The following RECQL5 variants were observed in gnomAD, a reference collection of about 807,000 sequenced individuals.
The protein encoded by RECQL5 is RecQ like helicase 5.
In RECQL5, 88 loss-of-function variants were observed where a neutral mutation model predicts 103.4. That is an observed-to-expected ratio of 0.85 (90% CI 0.72 to 1.02). The LOEUF is 1.02. Among genes scored for constraint, RECQL5 ranks in the 50% least tolerant of loss-of-function variants. The pLI, the probability that RECQL5 is intolerant of heterozygous loss-of-function variation, is 0.00. For synonymous variants in RECQL5, 552 were observed against 507.9 expected (o/e 1.09, Z -1.17); for missense variants, 1,232 against 1,284.3 (o/e 0.96, Z 0.62).
rs374835241 is a variant in RECQL5 at position 75,631,439 on chromosome 17, C to T, written c.1448+11G>A. On this transcript the variant is annotated intron_variant, in intron 9 of 19. Transcript: ENST00000317905. ...CCAGCGGGTTGGAGCCCTGGCTTCT[C>T]GGCCCCTTACCTGCTGAAGTCCCCG... The T allele has an allele frequency of 6.2e-5, 100 of 1,603,260 alleles. 2 individuals are homozygous for T. The South Asian group carries it at 9.0e-4, about 14-fold the overall frequency.
chr17:75,629,850 G>C lies in RECQL5; in HGVS notation c.1813-8C>G. 1.3e-6 allele frequency: 2 copies of C among 1,587,828 alleles called. No individual in the cohort carries two copies. Among genetic ancestry groups the C allele is most frequent in the Middle Eastern group, 1.9e-4 (1 of 5,278 alleles). ...TCTGTGGATATCGGCCACCTGGGCA[G>C]GGATAGGCAGGGAGGCTGTGGCACC... On this transcript the variant is annotated splice_region_variant and splice_polypyrimidine_tract_variant and intron_variant, in intron 14 of 19. Coordinates refer to ENST00000317905, the MANE Select transcript of RECQL5 (RefSeq NM_004259.7).
chr17:75,628,932 A>C lies in RECQL5; in HGVS notation c.2489+2T>G. The C allele has an allele frequency of 6.3e-7, 1 of 1,575,408 alleles. No homozygotes were observed. The highest frequency in any genetic ancestry group is 2.2e-5 in the East Asian group (1 of 44,530). Reference sequence around the variant, plus strand: ...AGATTCTATGACTACCTGTACCCTTACCTTGGCCTCTCCCTGAGGCACTCC... The same window carrying C: ...AGATTCTATGACTACCTGTACCCTTCCCTTGGCCTCTCCCTGAGGCACTCC... On this transcript the variant is annotated splice_donor_variant, in intron 16 of 19. Transcript: ENST00000317905. LOFTEE classifies it high-confidence loss of function.
intron 7 of RECQL5, among the ~76,000 whole-genome samples, chr17:75,658,061 A>T (rs1568281993): frequency 6.6e-6 from 1 of 152,092 alleles, no homozygotes; most frequent in Non-Finnish European, 1.5e-5. Context: ...AAAAAGAAAA[A>T]AGAAAAAAAG....
At position 75,662,688 on chromosome 17, in the gene RECQL5, A is replaced by T. The variant is rs2059715410; in HGVS notation, c.562T>A (p.Cys188Ser). 2 of 1,614,110 alleles carry T rather than the reference A, an allele frequency of 1.2e-6. No individual in the cohort carries two copies. The highest frequency in any genetic ancestry group is 1.7e-6 in the Non-Finnish European group (2 of 1,180,038). ...GTGGCTGTGGCGGTCAGAGCCACAC[A>T]AGGGGCATGTCCCAGGCGGGAGCGC... ...ALRSRLGHAPCVALTATATPQ... is the reference protein window; with the variant it reads ...ALRSRLGHAPSVALTATATPQ... Residue 188 changes from cysteine (C) to serine (S), a missense_variant, in exon 4 of 20, where the codon TGT (cysteine) becomes AGT (serine). Cys to Ser is a moderately radical substitution (Grantham distance 112). Transcript: ENST00000317905.
At chr17:75,643,368 A>G (rs1296057792) in intron 8 of RECQL5, among the ~76,000 whole-genome samples, 1 of 152,266 alleles carries the variant, frequency 6.6e-6, no homozygotes, top group Non-Finnish European at 1.5e-5. Context: ...CCCTGGGCAC[A>G]GACAGGCCGA....
In RECQL5 at chr17:75,636,604, T is replaced by C. The variant is rs2059326732; in HGVS notation, c.1230-4936A>G. 1 of 152,230 alleles carries C rather than the reference T, an allele frequency of 6.6e-6. No individual in the cohort carries two copies. The highest frequency in any genetic ancestry group is 1.5e-5 in the Non-Finnish European group (1 of 68,060). The allele number at this position is 152,230 out of a possible 1,614,324, so 9.4% of individuals were successfully genotyped here. On this transcript the variant is annotated intron_variant, in intron 8 of 19. Coordinates refer to ENST00000317905, the MANE Select transcript of RECQL5 (RefSeq NM_004259.7). The surrounding 1 kb of genome is among the most constrained non-coding windows in gnomAD (Gnocchi z 5.4). The stretch of plus-strand genomic sequence containing the variant: ...TGGGCACCAAGTGTCAGGCACTCCT[T>C]GGCCTGGCTTTAAATAGCCCGCTGG...
At chr17:75,628,475 A>G (rs567806882) in intron 17 of RECQL5, 33 bp from the exon 18 acceptor site, 3 of 1,603,876 alleles carry the variant, frequency 1.9e-6, no homozygotes, top group Non-Finnish European at 2.6e-6. Context: ...GTCACTCCTG[A>G]GCTCCCTTCC....
intron 8 of RECQL5, chr17:75,637,163 G>A (rs963774840): frequency 2.6e-5 from 4 of 152,280 alleles, no homozygotes; most frequent in African/African-American, 9.7e-5. Context: ...CCCTGTTCTG[G>A]TGAGCACAGC....
chr17:75,647,606 G>C, intron 8 of RECQL5: 1 of 1,539,772 alleles, frequency 6.5e-7, no homozygotes, highest in Non-Finnish European at 8.8e-7. Context: ...GGGGAGGCGA[G>C]CTGACCTGCC....
chr17:75,657,476 C>T (rs1267174449), intron 7 of RECQL5, among the ~76,000 whole-genome samples: 1 of 152,002 alleles, frequency 6.6e-6, no homozygotes, highest in African/African-American at 2.4e-5. Context: ...AGGCCGGGAG[C>T]AGTAGCTCAC....
Position 75,666,828 on chromosome 17 carries a change from G to A in RECQL5, c.-15+216C>T. On this transcript the variant is annotated intron_variant, in intron 1 of 19. Transcript: ENST00000317905. ...CGGTATAGCACAGAGCTAGAAATCA[G>A]ATCAAGAGAAGAAACATAAATGTCT... 3 of 388,384 alleles carry A rather than the reference G, an allele frequency of 7.7e-6. No individual in the cohort carries two copies. The South Asian group carries it at 1.0e-4, about 13-fold the overall frequency. 24.1% of individuals were successfully genotyped at this position (388,384 alleles called of 1,614,324 possible).
intron 8 of RECQL5, chr17:75,635,838 C>T (rs1296543690): frequency 3.0e-6 from 3 of 985,376 alleles, no homozygotes; most frequent in Non-Finnish European, 3.6e-6. Context: ...CGCCTGCTGC[C>T]AGCCCTTCCT....
At chr17:75,649,534 C>A in intron 8 of RECQL5, 1 of 684,498 alleles carries the variant, frequency 1.5e-6, no homozygotes, top group Non-Finnish European at 1.8e-6. Context: ...TAGCTCTGTC[C>A]CTCACTGCCA....
rs768446689 is a variant in RECQL5, at chr17:75,629,689, C to T, written c.1947+19G>A. Reference sequence around the variant, plus strand: ...CCTTTCCTGGTCACAGGTCTGGAGGCCACTGGGCCACAGCTCACCGAGTAC... The same window carrying T: ...CCTTTCCTGGTCACAGGTCTGGAGGTCACTGGGCCACAGCTCACCGAGTAC... On this transcript the variant is annotated intron_variant, in intron 15 of 19. Coordinates refer to ENST00000317905, the MANE Select transcript of RECQL5 (RefSeq NM_004259.7). 1.0e-5 allele frequency: 16 copies of T among 1,594,572 alleles called. No individual in the cohort carries two copies. Among genetic ancestry groups the T allele is most frequent in the Non-Finnish European group, 1.2e-5 (14 of 1,166,312 alleles).
chr17:75,645,917 G>C (rs918388239), intron 8 of RECQL5, among the ~76,000 whole-genome samples: 2 of 152,216 alleles, frequency 1.3e-5, no homozygotes, highest in Non-Finnish European at 2.9e-5. Context: ...CCGAGGGCTA[G>C]AAGGGAAGCC....
chr17:75,664,164 A>T (rs2059737512), intron 3 of RECQL5, among the ~76,000 whole-genome samples: 1 of 151,686 alleles, frequency 6.6e-6, no homozygotes, highest in African/African-American at 2.4e-5. Context: ...TTCCCTCTCT[A>T]CCTTCCTTCA....
Position 75,628,359 on chromosome 17 carries a change from C to A in RECQL5, c.2664G>T (p.Ser888=), listed in dbSNP as rs532669289. 1.2e-6 allele frequency: 2 copies of A among 1,614,076 alleles called. No individual in the cohort carries two copies. Among genetic ancestry groups the A allele is most frequent in the African/African-American group, 1.3e-5 (1 of 75,040 alleles). Residue 888 remains serine, a synonymous_variant, in exon 18 of 20, where the codon TCG becomes TCT. Coordinates refer to ENST00000317905, the MANE Select transcript of RECQL5 (RefSeq NM_004259.7). The part of the protein sequence containing the change: ...SVVAEVKGSV[S]ASEQGTLNPT... The stretch of plus-strand genomic sequence containing the variant: ...GATTCAAGGTGCCCTGTTCGCTGGC[C>A]GAGACGCTGCCCTTGACCTCAGCTA...
At chr17:75,663,781 G>A (rs1005608369) in intron 3 of RECQL5, among the ~76,000 whole-genome samples, 1 of 152,138 alleles carries the variant, frequency 6.6e-6, no homozygotes, top group Non-Finnish European at 1.5e-5. Flanking sequence ...TAAGCCGGGC[G>A]CGGTGGCTCA....
In RECQL5 at chr17:75,627,277, G is replaced by A. The variant is rs1736661432; in HGVS notation, c.*145C>T. 2 of 729,202 alleles carry A rather than the reference G, an allele frequency of 2.7e-6. No homozygotes were observed. The highest frequency in any genetic ancestry group is 5.0e-5 in the East Asian group (2 of 40,106). The allele number at this position is 729,202 out of a possible 1,614,324, so 45.2% of individuals were successfully genotyped here. A position where few individuals can be genotyped will look rare whatever the true frequency, so the allele number is the denominator to read the frequency against. ...GACCTCTGACCTGGATTCAGGGGGTGTCTGGGGTCATCCCCAAAGCCAAGT... is the reference window on the plus strand; with the variant it reads ...GACCTCTGACCTGGATTCAGGGGGTATCTGGGGTCATCCCCAAAGCCAAGT... On this transcript the variant is annotated 3_prime_UTR_variant, in exon 20 of 20. Coordinates refer to ENST00000317905, the MANE Select transcript of RECQL5 (RefSeq NM_004259.7).
Sources: gnomAD v4.1 joint callset for allele counts (sites outside exome capture counted in the v4.1 genomes callset) on GRCh38, gnomAD v4.1.1 for gene constraint, Gnocchi (gnomAD v3.1) non-coding constraint, MANE v1.5 for transcripts, NCBI Gene and HGNC (gene_info 2026-07-23, HGNC 2026-07-21) for gene names.